Variants in DMXL1 observed in about 807,000 individuals in gnomAD.
The protein encoded by DMXL1 is Dmx like 1.
Under a neutral mutation model 319.2 loss-of-function variants are expected in DMXL1, and 99 were observed. That is an observed-to-expected ratio of 0.31 (90% CI 0.26 to 0.37). The LOEUF is 0.37. DMXL1 is among the 10% of genes least tolerant of loss of function. The probability of loss-of-function intolerance (pLI) is 1.00; values close to 1 mark genes in which losing one functional copy is unlikely to be tolerated. For synonymous variants in DMXL1, 1,385 were observed against 1,235.2 expected (o/e 1.12, Z -2.54); for missense variants, 3,745 against 3,595.6 (o/e 1.04, Z -1.06).
At chr5:119,125,994 C>G (rs1483909981) in intron 9 of DMXL1, among the ~76,000 whole-genome samples, 1 of 151,998 alleles carries the variant, frequency 6.6e-6, no homozygotes, top group Non-Finnish European at 1.5e-5. Context: ...CTGTGTTAGA[C>G]TAAATTATGT....
intron 35 of DMXL1, 36 bp from the exon 36 acceptor site, chr5:119,220,436 A>G (rs745663844): frequency 4.4e-5 from 71 of 1,605,614 alleles, no homozygotes; most frequent in Non-Finnish European, 5.7e-5. Flanking sequence ...TCTTTTGCCT[A>G]TTGCTTTTAA....
At chr5:119,217,745 T>G (rs1783934309) in intron 35 of DMXL1, among the ~76,000 whole-genome samples, 2 of 152,208 alleles carry the variant, frequency 1.3e-5, no homozygotes, top group Non-Finnish European at 2.9e-5. Flanking sequence ...ATACATACCC[T>G]GTAATATGTA....
chr5:119,106,815 T>A (rs1049464894), intron 4 of DMXL1, among the ~76,000 whole-genome samples: 5 of 152,166 alleles, frequency 3.3e-5, no homozygotes, highest in African/African-American at 4.8e-5. Context: ...ATTAAATGAA[T>A]TAATGAATAG....
At chr5:119,234,743 A>G (rs916937232) in intron 39 of DMXL1, among the ~76,000 whole-genome samples, 6 of 152,092 alleles carry the variant, frequency 3.9e-5, no homozygotes, top group Non-Finnish European at 5.9e-5. Context: ...ACTAATCTCT[A>G]TACCTGAACC....
intron 1 of DMXL1, among the ~76,000 whole-genome samples, chr5:119,094,960 AT>A (rs1236635209): frequency 6.7e-6 from 1 of 150,302 alleles, no homozygotes; most frequent in Non-Finnish European, 1.5e-5. Context: ...GGCTCAGGTT[AT>A]CCTCCCACCT....
chr5:119,102,574 G>C (rs1198993646), intron 3 of DMXL1, among the ~76,000 whole-genome samples: 1 of 152,118 alleles, frequency 6.6e-6, no homozygotes, highest in Non-Finnish European at 1.5e-5. Context: ...CTCTCTATTT[G>C]GGAGGCTGAG....
chr5:119,202,031 G>A (rs1193849475), intron 32 of DMXL1, among the ~76,000 whole-genome samples: 5 of 151,924 alleles, frequency 3.3e-5, no homozygotes, highest in African/African-American at 7.3e-5. Context: ...TCCTGGATTC[G>A]TTGATCTTTT....
chr5:119,169,260 A>C (rs538243880), intron 23 of DMXL1, among the ~76,000 whole-genome samples: 1 of 152,226 alleles, frequency 6.6e-6, no homozygotes, highest in Non-Finnish European at 1.5e-5. Flanking sequence ...ACATACTTTT[A>C]TTATGAATTA....
rs768813187 is a variant in DMXL1 at position 119,150,086 on chromosome 5, A to G, written c.4259A>G (p.Tyr1420Cys). The G allele has an allele frequency of 4.3e-6, 7 of 1,612,834 alleles. No homozygotes were observed. In the East Asian group the frequency reaches 1.1e-4, roughly 26 times the overall value. ...CTTGCAGCAGATGATGATAGCTGTT[A>G]CTCATCTTTGGAGAAATCTAGTAAT... ...ALLAADDDSC[Y>C]SSLEKSSNES... Residue 1420 changes from tyrosine to cysteine, a missense_variant, in exon 18 of 44, where the codon TAC (tyrosine) becomes TGC (cysteine). Coordinates refer to ENST00000539542, the MANE Select transcript of DMXL1 (RefSeq NM_001290321.3).
intron 6 of DMXL1, among the ~76,000 whole-genome samples, chr5:119,115,233 C>T (rs552477737): frequency 2.6e-5 from 4 of 152,168 alleles, no homozygotes; most frequent in Non-Finnish European, 5.9e-5. Context: ...CAGTGCCTTT[C>T]ATGTAGTATA....
chr5:119,126,375 G>A (rs182922233), intron 9 of DMXL1, among the ~76,000 whole-genome samples: 90 of 152,236 alleles, frequency 5.9e-4, no homozygotes, highest in African/African-American at 1.3e-3. Context: ...AAAAGTTTGC[G>A]TCATAGCAAT....
At chr5:119,231,201 C>G (rs950612198) in intron 38 of DMXL1, among the ~76,000 whole-genome samples, 1 of 152,138 alleles carries the variant, frequency 6.6e-6, no homozygotes, top group South Asian at 2.1e-4. Context: ...CACCATAATT[C>G]TAAATTGTCT....
In DMXL1 at chr5:119,170,944, T is replaced by C. The variant is rs1196757567; in HGVS notation, c.6153T>C (p.Asp2051=). ...LRTLSTGYEI[D]GGKLRYQLYH... is the part of the protein sequence containing the mutation. ...CTTTATCTACTGGCTATGAAATAGA[T>C]GGTGGAAAATTGCGTTACCAACTAT... is the stretch of plus-strand genomic sequence containing the variant. The change falls in exon 24 of 44, where the codon GAT becomes GAC. Residue 2051 remains aspartate, a synonymous_variant. Transcript: ENST00000539542. The C allele has an allele frequency of 1.9e-6, 3 of 1,613,804 alleles. No individual in the cohort carries two copies. The South Asian group carries it at 3.3e-5, about 18-fold the overall frequency.
chr5:119,194,080 T>TA, intron 30 of DMXL1, 110 bp downstream of exon 30: 1 of 707,580 alleles, frequency 1.4e-6, no homozygotes, highest in Non-Finnish European at 2.1e-6. Context: ...TATAACACAT[T>TA]ATAACCCAGA....
chr5:119,077,795 G>C (rs1751310418), intron 1 of DMXL1, among the ~76,000 whole-genome samples: 1 of 126,582 alleles, frequency 7.9e-6, no homozygotes, highest in African/African-American at 3.1e-5. Flanking sequence ...GTGTATATCT[G>C]TACTTACCTG....
At chr5:119,100,770 C>CTTTTTTTTTTT (rs397999092) in intron 2 of DMXL1, 2 of 62,716 alleles carry the variant, frequency 3.2e-5, no homozygotes, top group African/African-American at 1.2e-4. Flanking sequence ...CATCTGTTTT[C>CTTTTTTTTTTT]TTTTTTTTTT....
intron 1 of DMXL1, among the ~76,000 whole-genome samples, chr5:119,093,520 G>C (rs571765499): frequency 6.6e-6 from 1 of 152,112 alleles, no homozygotes; most frequent in African/African-American, 2.4e-5. Context: ...AATGAACTGC[G>C]CTCAGACCTC....
intron 39 of DMXL1, chr5:119,236,203 A>T (rs1366043458): frequency 1.3e-5 from 2 of 152,110 alleles, no homozygotes; most frequent in Non-Finnish European, 2.9e-5. Context: ...GCATAAAATT[A>T]ACAAGTATTT....
In DMXL1 at chr5:119,116,334, T is replaced by C; in HGVS notation, c.741T>C (p.Pro247=). ...FSWRKTSKYM[P]RASVCNVLLT... is the part of the protein sequence containing the mutation. Reference sequence around the variant, plus strand: ...GGCGTAAAACAAGCAAATATATGCCTAGGTCAGTGGATTGGTCATTTCCCT... The same window carrying C: ...GGCGTAAAACAAGCAAATATATGCCCAGGTCAGTGGATTGGTCATTTCCCT... Residue 247 remains proline, a splice_region_variant and synonymous_variant, in exon 7 of 44, where the codon CCT becomes CCC. Transcript: ENST00000539542. The C allele has an allele frequency of 6.2e-7, 1 of 1,613,352 alleles. No individual in the cohort carries two copies. Among genetic ancestry groups the C allele is most frequent in the Non-Finnish European group, 8.5e-7 (1 of 1,179,562 alleles).
Sources: gnomAD v4.1 joint callset for allele counts (sites outside exome capture counted in the v4.1 genomes callset) on GRCh38, gnomAD v4.1.1 for gene constraint, MANE v1.5 for transcripts, NCBI Gene and HGNC (gene_info 2026-07-23, HGNC 2026-07-21) for gene names.